ARL13B: variants seen among roughly 807,000 people sequenced by gnomAD.
ARL13B encodes ADP-ribosylation factor-like protein 13B.
In ARL13B, 36 loss-of-function variants were observed where a neutral mutation model predicts 56.1. That is an observed-to-expected ratio of 0.64 (90% CI 0.49 to 0.85). The LOEUF (loss-of-function observed/expected upper bound fraction) is 0.85. Ranked by LOEUF, ARL13B falls within the 40% of genes least tolerant of loss-of-function variation. The probability of loss-of-function intolerance (pLI) is 0.00; values close to 1 mark genes in which losing one functional copy is unlikely to be tolerated. For missense variants in ARL13B, 519 were observed against 507.1 expected, an observed-to-expected ratio of 1.02 and a Z score of -0.23; for synonymous variants, 178 against 171.1, an observed-to-expected ratio of 1.04 and a Z score of -0.32.
In ARL13B at chr3:94,049,440, G is replaced by T; in HGVS notation, c.1059G>T (p.Met353Ile). Reference sequence around the variant, plus strand: ...AAAAGAAAACTAAGAAACTAAGAATGAAAAGGAACCACCGGGTAGAACCAC... The same window carrying T: ...AAAAGAAAACTAAGAAACTAAGAATTAAAAGGAACCACCGGGTAGAACCAC... ...NGKKKTKKLRMKRNHRVEPLN... is the reference protein window; with the variant it reads ...NGKKKTKKLRIKRNHRVEPLN... The change falls in exon 8 of 10, where the codon ATG (methionine) becomes ATT (isoleucine). Residue 353 changes from methionine (M) to isoleucine (I), a missense_variant. Transcript: ENST00000394222. The T allele has an allele frequency of 6.2e-7, 1 of 1,609,050 alleles. No individual in the cohort carries two copies. Among genetic ancestry groups the T allele is most frequent in the South Asian group, 1.1e-5 (1 of 89,580 alleles).
At chr3:94,014,273 C>T (rs1370756594) in intron 3 of ARL13B, 1 of 865,002 alleles carries the variant, frequency 1.2e-6, no homozygotes, top group Non-Finnish European at 1.6e-6. Context: ...TACAACTTAA[C>T]AGTGATGAAA....
intron 3 of ARL13B, among the ~76,000 whole-genome samples, chr3:94,010,344 G>T (rs899293617): frequency 1.1e-4 from 16 of 151,974 alleles, no homozygotes; most frequent in African/African-American, 3.9e-4. Context: ...ATAATATACT[G>T]TGTCCAAGTG....
intron 6 of ARL13B, among the ~76,000 whole-genome samples, chr3:94,040,806 A>G (rs552112354): frequency 1.3e-5 from 2 of 152,254 alleles, no homozygotes; most frequent in African/African-American, 4.8e-5. Flanking sequence ...TGAAACAACA[A>G]TTATTCTCTG....
At chr3:94,024,000 G>A (rs1383661442) in intron 3 of ARL13B, among the ~76,000 whole-genome samples, 1 of 152,020 alleles carries the variant, frequency 6.6e-6, no homozygotes, top group Non-Finnish European at 1.5e-5. Context: ...AAGAAATATT[G>A]CATTTTATAT....
intron 3 of ARL13B, among the ~76,000 whole-genome samples, chr3:94,030,756 G>A (rs1462296966): frequency 6.6e-6 from 1 of 152,062 alleles, no homozygotes; most frequent in Non-Finnish European, 1.5e-5. Flanking sequence ...ATGTTAACCT[G>A]CACTTAGTAG....
chr3:93,995,372 A>G, intron 1 of ARL13B, among the ~76,000 whole-genome samples: 1 of 151,938 alleles, frequency 6.6e-6, no homozygotes, highest in East Asian at 1.9e-4. Flanking sequence ...AATATTTTAA[A>G]CTTTACAATT....
rs1375464977 is a variant in ARL13B at position 94,053,922 on chromosome 3, A to C, written c.*659A>C. On this transcript the variant is annotated 3_prime_UTR_variant, in exon 10 of 10. Transcript: ENST00000394222. ...CATCGTAATTTGACCTAATTTAAAA[A>C]TAATATATTTTCGAAGTAGTAGATT... 6.2e-6 allele frequency: 2 copies of C among 321,128 alleles called. No individual in the cohort carries two copies. Among genetic ancestry groups the C allele is most frequent in the Non-Finnish European group, 1.2e-5 (2 of 165,186 alleles). 19.9% of individuals were successfully genotyped at this position (321,128 alleles called of 1,614,324 possible). A position where few individuals can be genotyped will look rare whatever the true frequency, so the allele number is the denominator to read the frequency against.
At chr3:93,981,865 C>CAAAAAAAAAAA (rs11396818) in intron 1 of ARL13B, among the ~76,000 whole-genome samples, 3 of 68,392 alleles carry the variant, frequency 4.4e-5, no homozygotes, top group East Asian at 4.7e-4. Flanking sequence ...AACCCTGTCT[C>CAAAAAAAAAAA]AAAAAAAAAA....
intron 1 of ARL13B, among the ~76,000 whole-genome samples, chr3:93,980,924 G>T (rs529476196): frequency 2.6e-5 from 4 of 152,154 alleles, no homozygotes; most frequent in Admixed American, 2.6e-4. Context: ...TTGAAATCTG[G>T]CTCCACTACT....
In ARL13B at chr3:94,054,616, T is replaced by C. The variant is rs1181644374; in HGVS notation, c.*1353T>C. 1 of 377,878 alleles carries C rather than the reference T, an allele frequency of 2.6e-6. No individual in the cohort carries two copies. The highest frequency in any genetic ancestry group is 5.1e-6 in the Non-Finnish European group (1 of 194,862). 23.4% of individuals were successfully genotyped at this position (377,878 alleles called of 1,614,324 possible). A position where few individuals can be genotyped will look rare whatever the true frequency, so the allele number is the denominator to read the frequency against. ...ATCTGATAACATTAAGTACATTTTA[T>C]GTCGTTTAATATAATTATTTACTTT... On this transcript the variant is annotated 3_prime_UTR_variant, in exon 10 of 10. Coordinates refer to ENST00000394222, the MANE Select transcript of ARL13B (RefSeq NM_001174150.2).
chr3:94,031,430 T>C (rs1406154676), intron 3 of ARL13B, among the ~76,000 whole-genome samples: 1 of 152,146 alleles, frequency 6.6e-6, no homozygotes, highest in Admixed American at 6.5e-5. Context: ...TCAAGGCTTC[T>C]TGGGGAAATG....
chr3:94,049,747 T>G (rs1427992565), intron 8 of ARL13B, among the ~76,000 whole-genome samples: 1 of 152,166 alleles, frequency 6.6e-6, no homozygotes, highest in Admixed American at 6.5e-5. Flanking sequence ...AAGTAAAAAC[T>G]ATTAAGAAAA....
intron 6 of ARL13B, among the ~76,000 whole-genome samples, chr3:94,041,678 T>A (rs1370906016): frequency 6.6e-6 from 1 of 152,136 alleles, no homozygotes; most frequent in African/African-American, 2.4e-5. Flanking sequence ...TAGTGACACG[T>A]ATGCACAAAA....
At chr3:93,985,456 G>A (rs1013843854) in intron 1 of ARL13B, among the ~76,000 whole-genome samples, 1 of 152,158 alleles carries the variant, frequency 6.6e-6, no homozygotes, top group African/African-American at 2.4e-5. Context: ...TAGAAGGGGT[G>A]TAATTTTACC....
intron 6 of ARL13B, 72 bp from the exon 7 acceptor site, chr3:94,042,943 G>T (rs1473528882): frequency 1.3e-5 from 17 of 1,278,726 alleles, no homozygotes; most frequent in Non-Finnish European, 1.7e-5. Flanking sequence ...TAAGGTATTT[G>T]ATTTCCTCTC....
chr3:94,049,509 A>G lies in ARL13B; in HGVS notation c.1128A>G (p.Pro376=). Reference sequence around the variant, plus strand: ...CTCCTGAGAGTCCAACGCCACCCCCACCCCCTCCTCCTGGTGAGTAAATTG... The same window carrying G: ...CTCCTGAGAGTCCAACGCCACCCCCGCCCCCTCCTCCTGGTGAGTAAATTG... ...DCAPESPTPP[P]PPPPVGWGTP... Residue 376 remains proline (P), a synonymous_variant, in exon 8 of 10, where the codon CCA becomes CCG. Transcript: ENST00000394222. The G allele has an allele frequency of 8.6e-7, 1 of 1,157,128 alleles. No homozygotes were observed. Among genetic ancestry groups the G allele is most frequent in the South Asian group, 1.4e-5 (1 of 72,186 alleles). The allele number at this position is 1,157,128 out of a possible 1,614,324, so 71.7% of individuals were successfully genotyped here.
intron 3 of ARL13B, among the ~76,000 whole-genome samples, chr3:94,029,047 TA>T (rs2076613866): frequency 6.6e-6 from 1 of 151,764 alleles, no homozygotes; most frequent in African/African-American, 2.4e-5. Context: ...TAATTTTTTT[TA>T]CTTTTTATTA....
chr3:94,022,615 G>A (rs1411249724), intron 3 of ARL13B, among the ~76,000 whole-genome samples: 8 of 151,714 alleles, frequency 5.3e-5, no homozygotes, highest in African/African-American at 1.7e-4. Flanking sequence ...AGTCACCTAA[G>A]GTACTGTAGC....
chr3:93,993,590 T>C (rs1465210920), intron 1 of ARL13B, among the ~76,000 whole-genome samples: 1 of 152,198 alleles, frequency 6.6e-6, no homozygotes, highest in Non-Finnish European at 1.5e-5. Context: ...TTTGCTAAGC[T>C]ACTCATTTTA....
Sources: allele counts gnomAD v4.1 joint callset (sites outside exome capture counted in the v4.1 genomes callset), GRCh38; gene constraint gnomAD v4.1.1; transcripts MANE v1.5; gene names NCBI Gene and HGNC (gene_info 2026-07-23, HGNC 2026-07-21).